Variants in ITGB3BP observed in about 807,000 individuals in gnomAD.
ITGB3BP encodes the protein centromere protein R.
In ITGB3BP, 27 loss-of-function variants were observed where a neutral mutation model predicts 29.1. That is an observed-to-expected ratio of 0.93 (90% CI 0.68 to 1.28). The LOEUF is 1.28. ITGB3BP is among the 50% of genes most tolerant of loss of function. ITGB3BP has a pLI of 0.00. For missense variants in ITGB3BP, 192 were observed against 200.2 expected, an observed-to-expected ratio of 0.96 and a Z score of 0.25; for synonymous variants, 61 against 61.4, an observed-to-expected ratio of 0.99 and a Z score of 0.03.
chr1:63,503,062 T>C (rs1645979540), intron 2 of ITGB3BP, among the ~76,000 whole-genome samples: 3 of 152,306 alleles, frequency 2.0e-5, no homozygotes, highest in South Asian at 4.1e-4. Flanking sequence ...ATGGTATTTC[T>C]AGTTCTAGAT....
rs75859955 is a variant in ITGB3BP at position 63,522,868 on chromosome 1, C to T, written c.5+261G>A. On this transcript the variant is annotated intron_variant, in intron 1 of 8. Coordinates refer to ENST00000271002, the MANE Select transcript of ITGB3BP (RefSeq NM_014288.5). Reference sequence around the variant, plus strand: ...CTTATTTATGTTATTTCAAGTTAGACATCACCTAAATACAGCCCACAGTTT... The same window carrying T: ...CTTATTTATGTTATTTCAAGTTAGATATCACCTAAATACAGCCCACAGTTT... The T allele has an allele frequency of 9.6e-4, 618 of 645,098 alleles. 1 individual carries two copies. In the African/African-American group the frequency reaches 0.011, roughly 11 times the overall value. The allele number at this position is 645,098 out of a possible 1,614,324, so 40.0% of individuals were successfully genotyped here.
At chr1:63,446,462 C>T (rs1281846802) in intron 8 of ITGB3BP, 3 of 210,162 alleles carry the variant, frequency 1.4e-5, no homozygotes, top group African/African-American at 6.9e-5. Context: ...AAACTATAGT[C>T]CACTTGTCAG....
intron 2 of ITGB3BP, among the ~76,000 whole-genome samples, chr1:63,494,329 G>T (rs1198375293): frequency 6.6e-6 from 1 of 152,138 alleles, no homozygotes; most frequent in Non-Finnish European, 1.5e-5. Context: ...ATGTTCACCA[G>T]GTTGGTCTCC....
chr1:63,515,826 A>T (rs1158514970), intron 1 of ITGB3BP, among the ~76,000 whole-genome samples: 75 of 10,430 alleles, frequency 7.2e-3, no homozygotes, highest in African/African-American at 0.011. Context: ...ACTCCAACTT[A>T]AAAAAAAAAA....
intron 4 of ITGB3BP, among the ~76,000 whole-genome samples, chr1:63,476,394 T>C (rs1250272475): frequency 6.6e-6 from 1 of 152,200 alleles, no homozygotes; most frequent in Non-Finnish European, 1.5e-5. Context: ...TTGTAAAATG[T>C]CTCAGCTCTT....
At chr1:63,444,467 G>GATATATATAAGATATATATATCCT (rs1644765070) in intron 8 of ITGB3BP, among the ~76,000 whole-genome samples, 4 of 10,024 alleles carry the variant, frequency 4.0e-4, no homozygotes, top group Admixed American at 1.1e-3. Flanking sequence ...TTACATATAG[G>GATATATATAAGATATATATATCCT]ATATATATAT....
upstream of ITGB3BP, among the ~76,000 whole-genome samples, chr1:63,525,285 T>A (rs1646567614): frequency 6.6e-6 from 1 of 152,196 alleles, no homozygotes; most frequent in Non-Finnish European, 1.5e-5. Context: ...TTGGCTATTA[T>A]CACATATTTG....
intron 1 of ITGB3BP, among the ~76,000 whole-genome samples, chr1:63,517,411 A>C (rs1646358013): frequency 6.6e-6 from 1 of 151,408 alleles, no homozygotes; most frequent in Non-Finnish European, 1.5e-5. Flanking sequence ...AAAATAAATA[A>C]AAAATAAATA....
intron 3 of ITGB3BP, among the ~76,000 whole-genome samples, chr1:63,480,181 A>G (rs769683534): frequency 1.3e-5 from 2 of 152,148 alleles, no homozygotes; most frequent in Non-Finnish European, 2.9e-5. Context: ...AGTTTCACAA[A>G]TTGACAGATG....
At chr1:63,484,914 C>A (rs1290675264) in intron 3 of ITGB3BP, among the ~76,000 whole-genome samples, 2 of 151,962 alleles carry the variant, frequency 1.3e-5, no homozygotes, top group Non-Finnish European at 2.9e-5. Flanking sequence ...GGCTCAGGAT[C>A]CTTTTATTTT....
rs566702980 is a variant in ITGB3BP, at chr1:63,519,973, A to G, written c.5+3156T>C. On this transcript the variant is annotated intron_variant, in intron 1 of 8. Transcript: ENST00000271002. ...TATTCCAACTTTATAGCTTTAGTTC[A>G]GTCATAGCTTGGAACAGAATAAAGT... is the stretch of plus-strand genomic sequence containing the variant. Among the ~76,000 whole-genome samples the G allele has an allele frequency of 5.3e-5, 8 of 152,286 alleles. No individual in the cohort carries two copies. In the South Asian group the frequency reaches 1.0e-3, roughly 20 times the overall value.
intron 2 of ITGB3BP, among the ~76,000 whole-genome samples, chr1:63,503,207 C>T (rs1645983560): frequency 6.6e-6 from 1 of 152,150 alleles, no homozygotes; most frequent in Non-Finnish European, 1.5e-5. Flanking sequence ...GATTGCCATT[C>T]TAACTGGTGT....
chr1:63,497,771 T>C (rs900497566), intron 2 of ITGB3BP, among the ~76,000 whole-genome samples: 1 of 152,186 alleles, frequency 6.6e-6, no homozygotes, highest in African/African-American at 2.4e-5. Context: ...TCTGTTCTTT[T>C]CTTGATCCCT....
chr1:63,445,695 A>G (rs887584036), intron 8 of ITGB3BP, among the ~76,000 whole-genome samples: 5 of 151,668 alleles, frequency 3.3e-5, no homozygotes, highest in Non-Finnish European at 7.4e-5. Context: ...CGTGGGCTCA[A>G]GTGATCCTCC....
At chr1:63,522,454 T>C (rs1162698164) in intron 1 of ITGB3BP, among the ~76,000 whole-genome samples, 4 of 152,192 alleles carry the variant, frequency 2.6e-5, no homozygotes, top group Non-Finnish European at 2.9e-5. Flanking sequence ...CAACCTTTAA[T>C]GGCTTTTTTA....
Position 63,478,756 on chromosome 1 carries a change from A to G in ITGB3BP, c.254+8T>C. The G allele has an allele frequency of 7.4e-7, 1 of 1,351,398 alleles. No homozygotes were observed. Among genetic ancestry groups the G allele is most frequent in the Non-Finnish European group, 1.0e-6 (1 of 980,860 alleles). 83.7% of individuals were successfully genotyped at this position (1,351,398 alleles called of 1,614,324 possible). A position where few individuals can be genotyped will look rare whatever the true frequency, so the allele number is the denominator to read the frequency against. ...ACACATATATAATTTCAAAAATAAC[A>G]AACTTACTCATCATTGTCTTTTGTT... is the stretch of plus-strand genomic sequence containing the variant. On this transcript the variant is annotated splice_region_variant and intron_variant, in intron 4 of 8. Coordinates refer to ENST00000271002, the MANE Select transcript of ITGB3BP (RefSeq NM_014288.5).
intron 4 of ITGB3BP, among the ~76,000 whole-genome samples, chr1:63,477,647 G>A (rs1050836734): frequency 6.6e-6 from 1 of 151,818 alleles, no homozygotes; most frequent in Non-Finnish European, 1.5e-5. Flanking sequence ...TTGAACCCAG[G>A]AGGTTAAGGC....
At chr1:63,498,298 T>C (rs899270630) in intron 2 of ITGB3BP, among the ~76,000 whole-genome samples, 1 of 152,150 alleles carries the variant, frequency 6.6e-6, no homozygotes, top group African/African-American at 2.4e-5. Flanking sequence ...GATAACAACA[T>C]GTTGGGCCAC....
intron 3 of ITGB3BP, among the ~76,000 whole-genome samples, chr1:63,485,301 C>A (rs1480789310): frequency 1.3e-5 from 2 of 152,050 alleles, no homozygotes; most frequent in African/African-American, 2.4e-5. Context: ...ATGAAGAAGT[C>A]AACTGATAGA....
Sources: allele counts gnomAD v4.1 joint callset (sites outside exome capture counted in the v4.1 genomes callset), GRCh38; gene constraint gnomAD v4.1.1; transcripts MANE v1.5; gene names NCBI Gene and HGNC (gene_info 2026-07-23, HGNC 2026-07-21).